The following ZFHX3 variants were observed in gnomAD, a reference collection of about 807,000 sequenced individuals.
The protein encoded by ZFHX3 is zinc finger homeobox protein 3.
Under a neutral mutation model 279.1 loss-of-function variants are expected in ZFHX3, and 42 were observed. That is an observed-to-expected ratio of 0.15 (90% confidence interval 0.12 to 0.19). The LOEUF (loss-of-function observed/expected upper bound fraction) is 0.19, where lower values mean the gene tolerates loss of function less well. Among genes scored for constraint, ZFHX3 ranks in the 10% least tolerant of loss-of-function variants. The pLI, the probability that ZFHX3 is intolerant of heterozygous loss-of-function variation, is 1.00. For synonymous variants in ZFHX3, 2,293 were observed against 1,957.8 expected (o/e 1.17, Z -4.52); for missense variants, 4,981 against 4,754.0 (o/e 1.05, Z -1.40).
intron 1 of ZFHX3, among the ~76,000 whole-genome samples, chr16:73,043,130 A>T (rs1349885132): frequency 6.6e-6 from 1 of 152,128 alleles, no homozygotes; most frequent in East Asian, 1.9e-4. Flanking sequence ...AGGATGGACA[A>T]ATCTCAGAGG....
chr16:72,787,982 A>T lies in ZFHX3; in HGVS notation c.10294T>A (p.Ser3432Thr), dbSNP rs1597224075. Residue 3432 changes from serine to threonine, a missense_variant, in exon 10 of 10, where the codon TCC (serine) becomes ACC (threonine). This residue lies in a region of ZFHX3 where 1,034 missense variants were observed against 786.0 expected (regional missense o/e 1.32). Coordinates refer to ENST00000268489, the MANE Select transcript of ZFHX3 (RefSeq NM_006885.4). Reference protein sequence around the residue: ...EEQKNTPREVSPLLPKLPEEP... With the variant: ...EEQKNTPREVTPLLPKLPEEP... Reference sequence around the variant, plus strand: ...TCAGGGAGTTTCGGCAGGAGGGGGGACACCTCACGGGGGGTGTTTTTCTGT... The same window carrying T: ...TCAGGGAGTTTCGGCAGGAGGGGGGTCACCTCACGGGGGGTGTTTTTCTGT... The T allele has an allele frequency of 3.1e-6, 5 of 1,604,734 alleles. No homozygotes were observed. Among genetic ancestry groups the T allele is most frequent in the Non-Finnish European group, 4.2e-6 (5 of 1,176,894 alleles).
chr16:73,182,909 A>C (rs1369845419), intron 5 of ZFHX3, among the ~76,000 whole-genome samples: 1 of 151,736 alleles, frequency 6.6e-6, no homozygotes, highest in Non-Finnish European at 1.5e-5. Flanking sequence ...GAGGGGTGAA[A>C]AATTACCTCT....
At chr16:73,336,053 A>T (rs949501465) in intron 3 of ZFHX3, among the ~76,000 whole-genome samples, 2 of 152,146 alleles carry the variant, frequency 1.3e-5, no homozygotes, top group Non-Finnish European at 2.9e-5. Context: ...CTGGAGATGG[A>T]TCTTTACTGC....
chr16:72,982,989 G>A (rs545796158), intron 1 of ZFHX3, among the ~76,000 whole-genome samples: 26 of 152,190 alleles, frequency 1.7e-4, no homozygotes, highest in Non-Finnish European at 3.2e-4. Flanking sequence ...GGTGATTTGG[G>A]CCCCAGGATT....
intron 2 of ZFHX3, among the ~76,000 whole-genome samples, chr16:73,524,142 T>A (rs1002446410): frequency 6.6e-6 from 1 of 152,074 alleles, no homozygotes; most frequent in Admixed American, 6.5e-5. Context: ...TGTCAGCTGA[T>A]TCCTTCCACC....
At chr16:72,933,451 T>C (rs1959930780) in intron 3 of ZFHX3, among the ~76,000 whole-genome samples, 1 of 151,898 alleles carries the variant, frequency 6.6e-6, no homozygotes, top group Non-Finnish European at 1.5e-5. Context: ...CATTGCATTA[T>C]GAACATCTCC....
chr16:73,347,566 A>G (rs1164773255), intron 3 of ZFHX3, among the ~76,000 whole-genome samples: 6 of 152,234 alleles, frequency 3.9e-5, no homozygotes, highest in Non-Finnish European at 7.3e-5. Context: ...AGAGAAAGTC[A>G]TTGGTATTGG....
chr16:73,447,833 T>C (rs10500571), intron 3 of ZFHX3, among the ~76,000 whole-genome samples: 10,243 of 152,238 alleles, frequency 0.067, 1,110 homozygotes, highest in African/African-American at 0.23. Flanking sequence ...GGGAACTCTA[T>C]TTTTAATAAT....
At chr16:73,695,693 C>T (rs1411223445) in intron 1 of ZFHX3, among the ~76,000 whole-genome samples, 2 of 152,190 alleles carry the variant, frequency 1.3e-5, no homozygotes, top group Non-Finnish European at 2.9e-5. Flanking sequence ...GCCCTTTCCT[C>T]CCAGGGCTGC....
At chr16:73,392,444 G>C in intron 3 of ZFHX3, among the ~76,000 whole-genome samples, 1 of 60,116 alleles carries the variant, frequency 1.7e-5, no homozygotes, top group Non-Finnish European at 3.7e-5. Context: ...AAAAAAAAAA[G>C]AGTGAAAAAG....
intron 1 of ZFHX3, among the ~76,000 whole-genome samples, chr16:73,883,065 A>C (rs964479600): frequency 6.6e-6 from 1 of 152,072 alleles, no homozygotes; most frequent in Non-Finnish European, 1.5e-5. Context: ...CAAAAAAAAA[A>C]CTACATGATT....
intron 1 of ZFHX3, among the ~76,000 whole-genome samples, chr16:73,732,085 A>C (rs1219113989): frequency 6.6e-6 from 1 of 152,210 alleles, no homozygotes; most frequent in African/African-American, 2.4e-5. Context: ...CCATTTAGTA[A>C]GCATCTCTAC....
At chr16:73,200,603 C>A (rs113370906) in intron 5 of ZFHX3, among the ~76,000 whole-genome samples, 1,897 of 152,272 alleles carry the variant, frequency 0.012, 18 homozygotes, top group Non-Finnish European at 0.021. Context: ...AGACTGTTTA[C>A]ACAGTATCAT....
intron 1 of ZFHX3, among the ~76,000 whole-genome samples, chr16:73,855,690 A>G (rs939258777): frequency 6.6e-6 from 1 of 152,242 alleles, no homozygotes; most frequent in African/African-American, 2.4e-5. Flanking sequence ...ATTTACTAGA[A>G]CGTAGGACTT....
At chr16:73,362,131 G>T (rs2016443044) in intron 3 of ZFHX3, among the ~76,000 whole-genome samples, 1 of 135,312 alleles carries the variant, frequency 7.4e-6, no homozygotes, top group Non-Finnish European at 1.6e-5. Context: ...GTGCCTCCTT[G>T]CCTTCCTTGC....
chr16:73,667,580 C>T (rs2052857348), intron 2 of ZFHX3, among the ~76,000 whole-genome samples: 1 of 152,126 alleles, frequency 6.6e-6, no homozygotes, highest in Non-Finnish European at 1.5e-5. Flanking sequence ...AAGATAAAGA[C>T]CTGCTAAGTA....
At chr16:73,222,456 G>A (rs934914669) in intron 5 of ZFHX3, among the ~76,000 whole-genome samples, 9 of 151,938 alleles carry the variant, frequency 5.9e-5, no homozygotes, top group Non-Finnish European at 1.3e-4. Flanking sequence ...ATTAAAAACA[G>A]AATAATATTT....
In ZFHX3 at chr16:73,594,930, C is replaced by T. The variant is rs533656814; in HGVS notation, c.-1547+85250G>A. 3.1e-4 allele frequency among the ~76,000 whole-genome samples: 47 copies of T among 152,198 alleles called. No individual in the cohort carries two copies. The South Asian group carries it at 9.8e-3, about 32-fold the overall frequency. ...ATTTCATCTTTAACCATGTGGGAAG[C>T]CAGTGTTCTTATAACTCAGGTATGG... On this transcript the variant is annotated intron_variant, in intron 2 of 17. Coordinates refer to the ZFHX3 transcript ENST00000641206.
intron 4 of ZFHX3, among the ~76,000 whole-genome samples, chr16:72,875,335 G>T (rs2038281968): frequency 6.6e-6 from 1 of 152,246 alleles, no homozygotes. Flanking sequence ...GGGAGACCTG[G>T]CTTGGTTGTG....
Sources: allele counts gnomAD v4.1 joint callset (sites outside exome capture counted in the v4.1 genomes callset), GRCh38; gene constraint gnomAD v4.1.1; regional missense constraint gnomAD v4.1.1; transcripts MANE v1.5; gene names NCBI Gene and HGNC (gene_info 2026-07-23, HGNC 2026-07-21).